MTF2: variants seen among roughly 807,000 people sequenced by gnomAD.
MTF2 encodes metal response element binding transcription factor 2.
A neutral mutation model predicts 79.5 loss-of-function variants in MTF2; 11 were observed. That is an observed-to-expected ratio of 0.14 (90% CI 0.09 to 0.23). The LOEUF (loss-of-function observed/expected upper bound fraction) is 0.23, where lower values mean the gene tolerates loss of function less well. MTF2 is among the 10% of genes least tolerant of loss of function. The pLI is 1.00. For synonymous variants in MTF2, 208 were observed against 232.8 expected, an observed-to-expected ratio of 0.89 and a Z score of 0.97; for missense variants, 486 against 711.2, an observed-to-expected ratio of 0.68 and a Z score of 3.60.
intron 1 of MTF2, among the ~76,000 whole-genome samples, chr1:93,097,286 T>C (rs1018238175): frequency 6.6e-6 from 1 of 152,190 alleles, no homozygotes; most frequent in Admixed American, 6.5e-5. Flanking sequence ...CTAGCAGACA[T>C]CCTTTCTTGG....
chr1:93,090,877 A>G (rs941523141), intron 1 of MTF2, among the ~76,000 whole-genome samples: 2 of 151,476 alleles, frequency 1.3e-5, no homozygotes, highest in African/African-American at 4.9e-5. Flanking sequence ...GTTTGCCAGG[A>G]TGGTCTCGAT....
chr1:93,088,022 A>T (rs751697163), intron 1 of MTF2, among the ~76,000 whole-genome samples: 29 of 152,154 alleles, frequency 1.9e-4, no homozygotes, highest in Non-Finnish European at 4.0e-4. Flanking sequence ...CCTACCAAAG[A>T]TCCAGTTCAT....
intron 8 of MTF2, 22 bp downstream of exon 8, chr1:93,119,423 A>G (rs1557555536): frequency 1.3e-6 from 2 of 1,529,220 alleles, no homozygotes; most frequent in Non-Finnish European, 1.8e-6. Flanking sequence ...CCTTTCTGTT[A>G]AAAGAAAGAA....
chr1:93,124,760 A>G (rs1422075135), intron 9 of MTF2, among the ~76,000 whole-genome samples: 1 of 151,910 alleles, frequency 6.6e-6, no homozygotes, highest in Non-Finnish European at 1.5e-5. Context: ...GGAACTTAAT[A>G]TTGGTAGTTG....
At chr1:93,105,246 G>A (rs2101048728) in intron 1 of MTF2, among the ~76,000 whole-genome samples, 2 of 152,230 alleles carry the variant, frequency 1.3e-5, no homozygotes, top group Middle Eastern at 6.8e-3. Flanking sequence ...GACTATAGGA[G>A]TGGAGACATT....
At chr1:93,128,482 G>T (rs775188427) in intron 10 of MTF2, among the ~76,000 whole-genome samples, 29 of 150,870 alleles carry the variant, frequency 1.9e-4, no homozygotes, top group Admixed American at 3.3e-4. Context: ...GCTTGAACCC[G>T]GGAGGTAGAA....
chr1:93,094,962 C>T (rs368013438), intron 1 of MTF2, among the ~76,000 whole-genome samples: 5 of 152,168 alleles, frequency 3.3e-5, no homozygotes, highest in Non-Finnish European at 5.9e-5. Context: ...AAAGAATAAA[C>T]GTTCCATATT....
intron 10 of MTF2, 93 bp downstream of exon 10, chr1:93,127,392 C>A: frequency 3.7e-6 from 3 of 801,554 alleles, no homozygotes; most frequent in Non-Finnish European, 4.2e-6. Flanking sequence ...GATTGATGTA[C>A]AGAAGAAGTC....
At chr1:93,082,329 G>A (rs1654641227) in intron 1 of MTF2, among the ~76,000 whole-genome samples, 1 of 150,106 alleles carries the variant, frequency 6.7e-6, no homozygotes, top group South Asian at 2.1e-4. Flanking sequence ...CACCCAGGCT[G>A]GAGTGAAGTG....
chr1:93,129,046 A>G, intron 10 of MTF2: 2 of 335,616 alleles, frequency 6.0e-6, no homozygotes, highest in Non-Finnish European at 1.1e-5. Flanking sequence ...TTTAAAAAGA[A>G]AAGTGGACAT....
intron 1 of MTF2, among the ~76,000 whole-genome samples, chr1:93,092,107 G>T (rs1319209612): frequency 6.6e-6 from 1 of 151,774 alleles, no homozygotes; most frequent in African/African-American, 2.4e-5. Context: ...TATATGTTTG[G>T]TTTTTCTTCT....
intron 1 of MTF2, among the ~76,000 whole-genome samples, chr1:93,101,367 T>G (rs1655521043): frequency 2.7e-5 from 1 of 36,906 alleles, no homozygotes; most frequent in Admixed American, 2.9e-4. Context: ...TATCTTAACC[T>G]TTTTTTTTTT....
chr1:93,123,210 CTTTT>C (rs749700655), intron 9 of MTF2, among the ~76,000 whole-genome samples: 1 of 94,234 alleles, frequency 1.1e-5, no homozygotes, highest in Non-Finnish European at 2.2e-5. Context: ...TCAGCTCTTT[CTTTT>C]TTTTTTTTTT....
At chr1:93,127,124 TACCAA>T in intron 9 of MTF2, 103 bp from the exon 10 acceptor site, 1 of 721,404 alleles carries the variant, frequency 1.4e-6, no homozygotes, top group Non-Finnish European at 2.4e-6. Flanking sequence ...ATCTTCTGAC[TACCAA>T]TCAGTACACT....
At chr1:93,125,731 GAGTT>G (rs1417339217) in intron 9 of MTF2, among the ~76,000 whole-genome samples, 1 of 152,022 alleles carries the variant, frequency 6.6e-6, no homozygotes, top group African/African-American at 2.4e-5. Context: ...GAAGAAGACA[GAGTT>G]AGTCAGAAGC....
chr1:93,127,173 C>G (rs1182057141), intron 9 of MTF2, 59 bp from the exon 10 acceptor site: 1 of 1,168,472 alleles, frequency 8.6e-7, no homozygotes, highest in Non-Finnish European at 1.3e-6. Flanking sequence ...TATCTAGCAC[C>G]TGTATATTAC....
chr1:93,112,053 A>G (rs1656049613), intron 3 of MTF2, among the ~76,000 whole-genome samples: 1 of 152,120 alleles, frequency 6.6e-6, no homozygotes. Flanking sequence ...TTACATAGAG[A>G]TAGAAAGTTG....
At position 93,108,268 on chromosome 1, in the gene MTF2, T is replaced by TTGTG. The variant is rs146951003; in HGVS notation, c.6-1948_6-1945dup. Among the ~76,000 whole-genome samples the TTGTG allele has an allele frequency of 7.1e-3, 1,077 of 151,262 alleles. 14 individuals carry two copies. The highest frequency in any genetic ancestry group is 0.028 in the Middle Eastern group (8 of 290). The stretch of plus-strand genomic sequence containing the variant: ...TTATAATTACTTTTGTTGGTATTCT[T>TTGTG]TGTGTGTGTGTGTGTGTATGTGTAT... On this transcript the variant is annotated intron_variant, in intron 1 of 14. Transcript: ENST00000370298.
chr1:93,112,094 C>G (rs948922180), intron 3 of MTF2, among the ~76,000 whole-genome samples: 3 of 152,168 alleles, frequency 2.0e-5, no homozygotes, highest in African/African-American at 7.2e-5. Context: ...GTCCTGCACT[C>G]AGTATGTCAG....
Sources: gnomAD v4.1 joint callset for allele counts (sites outside exome capture counted in the v4.1 genomes callset) on GRCh38, gnomAD v4.1.1 for gene constraint, MANE v1.5 for transcripts, NCBI Gene and HGNC (gene_info 2026-07-23, HGNC 2026-07-21) for gene names.